AGBL1: variants seen among roughly 807,000 people sequenced by gnomAD.
AGBL1 encodes the protein cytosolic carboxypeptidase 4.
A neutral mutation model predicts 118.9 loss-of-function variants in AGBL1; 130 were observed. The ratio of observed to expected loss-of-function variants is 1.09; its 90% CI spans 0.95 to 1.26. The LOEUF (loss-of-function observed/expected upper bound fraction) is 1.26. Among genes scored for constraint, AGBL1 ranks in the 50% most tolerant of loss-of-function variants. The pLI is 0.00. For synonymous variants in AGBL1, 555 were observed against 478.9 expected, an observed-to-expected ratio of 1.16 and a Z score of -2.08; for missense variants, 1,584 against 1,298.1, an observed-to-expected ratio of 1.22 and a Z score of -3.38.
chr15:86,850,311 A>G (rs942885430), intron 22 of AGBL1, among the ~76,000 whole-genome samples: 1 of 152,226 alleles, frequency 6.6e-6, no homozygotes, highest in Non-Finnish European at 1.5e-5. Flanking sequence ...GTGTCTGTAC[A>G]TGGCATGGAT....
At chr15:86,656,137 CAT>C (rs1244225466) in intron 21 of AGBL1, among the ~76,000 whole-genome samples, 6 of 152,250 alleles carry the variant, frequency 3.9e-5, no homozygotes, top group African/African-American at 1.4e-4. Context: ...TGAATTTGGA[CAT>C]ATTTCTACTG....
chr15:86,577,804 T>A (rs769957857), intron 21 of AGBL1, among the ~76,000 whole-genome samples: 1 of 149,896 alleles, frequency 6.7e-6, no homozygotes, highest in African/African-American at 2.5e-5. Flanking sequence ...TTCCACGTGG[T>A]GTTGAGCCTG....
At chr15:86,733,678 A>G (rs2077557138) in intron 22 of AGBL1, among the ~76,000 whole-genome samples, 1 of 152,180 alleles carries the variant, frequency 6.6e-6, no homozygotes, top group South Asian at 2.1e-4. Flanking sequence ...TAATCATTCT[A>G]TATGTGCTCG....
intron 22 of AGBL1, among the ~76,000 whole-genome samples, chr15:86,717,340 A>C (rs1282288494): frequency 6.6e-6 from 1 of 152,194 alleles, no homozygotes; most frequent in Non-Finnish European, 1.5e-5. Context: ...AGTGTGGAAC[A>C]TGACGATCTC....
chr15:86,519,542 A>G (rs2083160921), intron 18 of AGBL1, among the ~76,000 whole-genome samples: 1 of 152,250 alleles, frequency 6.6e-6, no homozygotes. Flanking sequence ...TTCAGAGATC[A>G]GAAGCAAATG....
chr15:86,924,482 T>C (rs574771143), intron 23 of AGBL1, among the ~76,000 whole-genome samples: 230 of 152,314 alleles, frequency 1.5e-3, no homozygotes, highest in Non-Finnish European at 2.0e-3. Flanking sequence ...CTATGTCAAT[T>C]CCTCTGTTAA....
intron 20 of AGBL1, among the ~76,000 whole-genome samples, chr15:86,551,854 A>C (rs2083667615): frequency 6.6e-6 from 1 of 152,282 alleles, no homozygotes; most frequent in Admixed American, 6.5e-5. Flanking sequence ...AAGAACCTTA[A>C]ATGGATATTA....
intron 1 of AGBL1, among the ~76,000 whole-genome samples, chr15:86,110,941 A>G (rs1347659003): frequency 1.3e-5 from 2 of 152,222 alleles, no homozygotes; most frequent in East Asian, 1.9e-4. Context: ...CAGCCAAGCT[A>G]TGAAAGCTCT....
At chr15:86,342,847 G>A (rs919585386) in intron 17 of AGBL1, among the ~76,000 whole-genome samples, 1 of 152,222 alleles carries the variant, frequency 6.6e-6, no homozygotes, top group African/African-American at 2.4e-5. Flanking sequence ...GGAGCTTATA[G>A]TATAGTAGAG....
At chr15:86,676,438 A>G (rs1287754529) in intron 22 of AGBL1, among the ~76,000 whole-genome samples, 1 of 152,196 alleles carries the variant, frequency 6.6e-6, no homozygotes, top group African/African-American at 2.4e-5. Context: ...GGTCACAAAA[A>G]GATGACAGAG....
chr15:86,635,318 T>TTCC (rs2085063600), intron 21 of AGBL1, among the ~76,000 whole-genome samples: 1 of 83,154 alleles, frequency 1.2e-5, no homozygotes, highest in Non-Finnish European at 2.2e-5. Context: ...CTCCTCCTCC[T>TTCC]CCTCCTCCTC....
intron 22 of AGBL1, among the ~76,000 whole-genome samples, chr15:86,814,446 A>G (rs1471046101): frequency 6.6e-6 from 1 of 152,180 alleles, no homozygotes; most frequent in Non-Finnish European, 1.5e-5. Context: ...GACTGAACCT[A>G]CATAGGATGG....
chr15:86,189,692 A>G (rs2077687951), intron 5 of AGBL1, among the ~76,000 whole-genome samples: 1 of 152,122 alleles, frequency 6.6e-6, no homozygotes, highest in Non-Finnish European at 1.5e-5. Context: ...CTCTGCCATG[A>G]GAGGAAGCTT....
chr15:86,469,032 A>T (rs942489238), intron 18 of AGBL1, among the ~76,000 whole-genome samples: 2 of 152,206 alleles, frequency 1.3e-5, no homozygotes, highest in Non-Finnish European at 2.9e-5. Context: ...TTAAATGCTT[A>T]TCAGTCAAGC....
intron 5 of AGBL1, among the ~76,000 whole-genome samples, chr15:86,194,052 T>C (rs911495454): frequency 2.0e-5 from 3 of 152,210 alleles, no homozygotes; most frequent in Non-Finnish European, 4.4e-5. Context: ...ATACTTGCTC[T>C]TGACTTTGCC....
At chr15:86,963,748 C>T (rs1323487012) in intron 23 of AGBL1, among the ~76,000 whole-genome samples, 1 of 151,816 alleles carries the variant, frequency 6.6e-6, no homozygotes, top group Non-Finnish European at 1.5e-5. Flanking sequence ...TGAGTTACTG[C>T]CTTTCTCATT....
At chr15:87,003,523 T>A (rs1007127678) in intron 24 of AGBL1, among the ~76,000 whole-genome samples, 3 of 152,192 alleles carry the variant, frequency 2.0e-5, no homozygotes, top group African/African-American at 7.2e-5. Context: ...CCTCTTTTTC[T>A]ATTAATTGGA....
chr15:86,881,309 T>C (rs1357108511), intron 22 of AGBL1, among the ~76,000 whole-genome samples: 2 of 152,240 alleles, frequency 1.3e-5, no homozygotes, highest in Non-Finnish European at 2.9e-5. Context: ...CCTCGTGGAA[T>C]GCTCTCAGTG....
chr15:86,721,807 G>T (rs975947810), intron 22 of AGBL1, among the ~76,000 whole-genome samples: 1 of 152,184 alleles, frequency 6.6e-6, no homozygotes, highest in African/African-American at 2.4e-5. Flanking sequence ...CTTCAGCAAA[G>T]TCTCAGGATA....
Sources: allele counts gnomAD v4.1 joint callset (sites outside exome capture counted in the v4.1 genomes callset), GRCh38; gene constraint gnomAD v4.1.1; transcripts MANE v1.5; gene names NCBI Gene and HGNC (gene_info 2026-07-23, HGNC 2026-07-21).